Variants in IL7 observed in about 807,000 individuals in gnomAD.
The protein encoded by IL7 is interleukin 7.
Under a neutral mutation model 21.6 loss-of-function variants are expected in IL7, and 3 were observed. The ratio of observed to expected loss-of-function variants is 0.14; its 90% confidence interval spans 0.06 to 0.36. The LOEUF (loss-of-function observed/expected upper bound fraction) is 0.36, where lower values mean the gene tolerates loss of function less well. IL7 is among the 10% of genes least tolerant of loss of function. The pLI, the probability that IL7 is intolerant of heterozygous loss-of-function variation, is 1.00. For synonymous variants in IL7, 62 were observed against 68.1 expected (o/e 0.91, Z 0.44); for missense variants, 175 against 200.2 (o/e 0.87, Z 0.76).
At chr8:78,689,565 A>G (rs1329432857) in intron 3 of IL7, among the ~76,000 whole-genome samples, 4 of 151,980 alleles carry the variant, frequency 2.6e-5, no homozygotes, top group Admixed American at 1.3e-4. Context: ...CTAATTGTGT[A>G]TAGTGTGAAG....
At chr8:78,755,777 G>A (rs899092839) in intron 2 of IL7, among the ~76,000 whole-genome samples, 3 of 151,936 alleles carry the variant, frequency 2.0e-5, no homozygotes, top group Non-Finnish European at 1.5e-5. Flanking sequence ...CATCTGCAAA[G>A]AGGGACAATT....
intron 3 of IL7, among the ~76,000 whole-genome samples, chr8:78,739,188 A>T (rs1257576662): frequency 2.0e-5 from 3 of 152,210 alleles, no homozygotes; most frequent in Non-Finnish European, 4.4e-5. Context: ...TTTTTAAAAG[A>T]CTATGAAATA....
At chr8:78,737,925 A>T (rs1811649155) in intron 4 of IL7, among the ~76,000 whole-genome samples, 1 of 152,130 alleles carries the variant, frequency 6.6e-6, no homozygotes, top group Non-Finnish European at 1.5e-5. Context: ...GTTTTTCTGC[A>T]TTTTGTAGAT....
chr8:78,751,395 T>C, intron 2 of IL7, among the ~76,000 whole-genome samples: 1 of 152,206 alleles, frequency 6.6e-6, no homozygotes. Context: ...ATGTACTCTG[T>C]GAATTTAGCC....
downstream of IL7, among the ~76,000 whole-genome samples, chr8:78,728,990 A>G (rs1446874406): frequency 4.6e-5 from 7 of 151,944 alleles, no homozygotes; most frequent in East Asian, 1.3e-3. Context: ...ATAATTTCCT[A>G]TTCTATTTCT....
intron 3 of IL7, chr8:78,698,371 C>T (rs773905148): frequency 2.7e-6 from 4 of 1,499,368 alleles, no homozygotes; most frequent in Admixed American, 3.7e-5. Context: ...TTTATGTAAC[C>T]TTTTTTAGAG....
intron 2 of IL7, among the ~76,000 whole-genome samples, chr8:78,794,072 G>A (rs914933484): frequency 3.9e-5 from 6 of 152,050 alleles, no homozygotes; most frequent in Admixed American, 1.3e-4. Context: ...CTCTATTGAA[G>A]TCTTGAACCC....
chr8:78,765,408 A>G (rs1812724107), intron 2 of IL7, among the ~76,000 whole-genome samples: 1 of 151,832 alleles, frequency 6.6e-6, no homozygotes, highest in African/African-American at 2.4e-5. Context: ...CACAGACTGG[A>G]AAAAATATTT....
chr8:78,729,623 G>T (rs1193533661), downstream of IL7, among the ~76,000 whole-genome samples: 1 of 151,934 alleles, frequency 6.6e-6, no homozygotes, highest in African/African-American at 2.4e-5. Flanking sequence ...AGATGACGGG[G>T]TAGATAATGG....
chr8:78,701,585 G>A (rs879285334), intron 3 of IL7, among the ~76,000 whole-genome samples: 2 of 152,166 alleles, frequency 1.3e-5, no homozygotes, highest in African/African-American at 4.8e-5. Flanking sequence ...TTTTCAAGGG[G>A]AATGCTTCCA....
At chr8:78,762,334 G>T in intron 2 of IL7, 1 of 1,609,994 alleles carries the variant, frequency 6.2e-7, no homozygotes, top group South Asian at 1.1e-5. Flanking sequence ...CCCACTTCTG[G>T]CATCTGGCAG....
chr8:78,728,330 G>A (rs1180333699), downstream of IL7, among the ~76,000 whole-genome samples: 2 of 151,732 alleles, frequency 1.3e-5, no homozygotes, highest in Non-Finnish European at 2.9e-5. Flanking sequence ...AAACAACTTT[G>A]AAAAATAAAA....
chr8:78,771,532 A>G (rs767617484), intron 2 of IL7, among the ~76,000 whole-genome samples: 1 of 152,144 alleles, frequency 6.6e-6, no homozygotes, highest in Non-Finnish European at 1.5e-5. Flanking sequence ...AAGCCACAAC[A>G]TGAAGATTAA....
chr8:78,706,622 G>A (rs954981847), intron 3 of IL7, among the ~76,000 whole-genome samples: 1 of 152,132 alleles, frequency 6.6e-6, no homozygotes, highest in African/African-American at 2.4e-5. Context: ...TTTGTTCTCT[G>A]TGGGTCAAGT....
chr8:78,780,649 A>C (rs2130807173), intron 2 of IL7, among the ~76,000 whole-genome samples: 1 of 152,284 alleles, frequency 6.6e-6, no homozygotes, highest in East Asian at 1.9e-4. Context: ...TTTTACATCC[A>C]ATTATGTGGT....
intron 3 of IL7, among the ~76,000 whole-genome samples, chr8:78,704,406 A>AG (rs1810704021): frequency 6.6e-6 from 1 of 151,020 alleles, no homozygotes; most frequent in African/African-American, 2.4e-5. Flanking sequence ...AAAAAAAAAA[A>AG]GAATGTTAAA....
intron 2 of IL7, among the ~76,000 whole-genome samples, chr8:78,741,508 A>G (rs928384932): frequency 8.5e-5 from 13 of 152,204 alleles, no homozygotes; most frequent in Non-Finnish European, 1.6e-4. Flanking sequence ...CAATTCACCA[A>G]AAATATCGTA....
intron 4 of IL7, among the ~76,000 whole-genome samples, chr8:78,681,818 TATA>T (rs1809792323): frequency 6.6e-6 from 1 of 152,074 alleles, no homozygotes; most frequent in Admixed American, 6.5e-5. Context: ...ACAATTTCTT[TATA>T]ATATCTTCTT....
intron 2 of IL7, chr8:78,747,126 A>G (rs1812005157): frequency 2.2e-6 from 1 of 453,298 alleles, no homozygotes; most frequent in African/African-American, 2.0e-5. Flanking sequence ...GGCATAGAAT[A>G]TATTCAGTCT....
Sources: gnomAD v4.1 joint callset for allele counts (sites outside exome capture counted in the v4.1 genomes callset) on GRCh38, gnomAD v4.1.1 for gene constraint, MANE v1.5 for transcripts, NCBI Gene and HGNC (gene_info 2026-07-23, HGNC 2026-07-21) for gene names.